TMEFF2: variants seen among roughly 807,000 people sequenced by gnomAD.
The protein encoded by TMEFF2 is transmembrane protein with EGF like and two follistatin like domains 2.
In TMEFF2, 28 loss-of-function variants were observed where a neutral mutation model predicts 53.8. That is an observed-to-expected ratio of 0.52 (90% CI 0.39 to 0.71). The LOEUF (loss-of-function observed/expected upper bound fraction) is 0.71, where lower values mean the gene tolerates loss of function less well. TMEFF2 is among the 30% of genes least tolerant of loss of function. The probability of loss-of-function intolerance (pLI) is 0.00; values close to 1 mark genes in which losing one functional copy is unlikely to be tolerated. For synonymous variants in TMEFF2, 162 were observed against 166.3 expected, an observed-to-expected ratio of 0.97 and a Z score of 0.20; for missense variants, 353 against 455.2, an observed-to-expected ratio of 0.78 and a Z score of 2.04.
chr2:192,010,592 C>T (rs568551171), intron 5 of TMEFF2, among the ~76,000 whole-genome samples: 16 of 152,094 alleles, frequency 1.1e-4, no homozygotes, highest in Admixed American at 8.5e-4. Flanking sequence ...AATTGAATCA[C>T]ATAAGTGTAG....
At chr2:192,086,673 T>C (rs546762853) in intron 4 of TMEFF2, among the ~76,000 whole-genome samples, 2 of 152,266 alleles carry the variant, frequency 1.3e-5, no homozygotes, top group Non-Finnish European at 2.9e-5. Flanking sequence ...GCCAAGCTAA[T>C]ACAAAACAAG....
intron 6 of TMEFF2, 76 bp downstream of exon 6, chr2:191,998,984 A>G (rs979482608): frequency 7.0e-7 from 1 of 1,435,082 alleles, no homozygotes; most frequent in African/African-American, 1.4e-5. Context: ...CTGCCTAATA[A>G]GGAGTTTTCT....
chr2:192,109,774 G>A (rs138385083), intron 4 of TMEFF2, among the ~76,000 whole-genome samples: 50 of 152,226 alleles, frequency 3.3e-4, no homozygotes, highest in African/African-American at 1.2e-3. Context: ...CCTGTGTGTA[G>A]GAGGATAACT....
chr2:192,001,561 C>A (rs1686360969), intron 5 of TMEFF2, among the ~76,000 whole-genome samples: 1 of 152,102 alleles, frequency 6.6e-6, no homozygotes, highest in Non-Finnish European at 1.5e-5. Context: ...TGTGTCCCCA[C>A]CTAAATTTCA....
chr2:191,958,046 T>C (rs529825172), intron 7 of TMEFF2, among the ~76,000 whole-genome samples: 23 of 152,288 alleles, frequency 1.5e-4, no homozygotes, highest in African/African-American at 5.5e-4. Flanking sequence ...TAGTGTTGGG[T>C]GAAATTTCCC....
At chr2:192,063,001 A>G (rs968396277) in intron 4 of TMEFF2, among the ~76,000 whole-genome samples, 6 of 151,152 alleles carry the variant, frequency 4.0e-5, no homozygotes, top group Non-Finnish European at 8.8e-5. Flanking sequence ...TTGCTATTCA[A>G]TTACAAATTT....
intron 4 of TMEFF2, among the ~76,000 whole-genome samples, chr2:192,134,047 A>C (rs576364234): frequency 1.3e-5 from 2 of 152,262 alleles, no homozygotes; most frequent in South Asian, 4.1e-4. Context: ...TAGCCTAGCC[A>C]TCATGTCTGC....
chr2:192,008,641 A>C (rs1040563958), intron 5 of TMEFF2, among the ~76,000 whole-genome samples: 45 of 152,338 alleles, frequency 3.0e-4, no homozygotes, highest in African/African-American at 1.1e-3. Context: ...TGAAAACCCC[A>C]GAATAAAAAG....
chr2:192,162,706 T>A (rs556275209), intron 4 of TMEFF2, among the ~76,000 whole-genome samples: 1 of 152,248 alleles, frequency 6.6e-6, no homozygotes. Context: ...TGCAATTTAC[T>A]ATTAAAGAAG....
chr2:191,980,781 C>T (rs1366768426), intron 7 of TMEFF2, among the ~76,000 whole-genome samples: 1 of 152,100 alleles, frequency 6.6e-6, no homozygotes, highest in African/African-American at 2.4e-5. Flanking sequence ...CCGAGTCCTA[C>T]TCTTCCTGAT....
At chr2:192,110,724 G>A (rs57697460) in intron 4 of TMEFF2, among the ~76,000 whole-genome samples, 7,680 of 152,128 alleles carry the variant, frequency 0.05, 352 homozygotes, top group African/African-American at 0.12. Flanking sequence ...GTTAAGATGT[G>A]TGTTTGTTAT....
chr2:192,060,772 C>A (rs1296297712), intron 4 of TMEFF2, among the ~76,000 whole-genome samples: 4 of 152,116 alleles, frequency 2.6e-5, no homozygotes, highest in Non-Finnish European at 5.9e-5. Context: ...GAATAAAATT[C>A]ATTTATCTTA....
chr2:192,085,351 G>A (rs1439633260), intron 4 of TMEFF2, among the ~76,000 whole-genome samples: 1 of 152,046 alleles, frequency 6.6e-6, no homozygotes, highest in African/African-American at 2.4e-5. Context: ...CAGCACATTC[G>A]GCGAGGCCAA....
rs1574235487 is a variant in TMEFF2, at chr2:191,950,074, T to C, written c.*237A>G. 8.1e-7 allele frequency: 1 copy of C among 1,239,346 alleles called. No individual in the cohort carries two copies. The highest frequency in any genetic ancestry group is 1.5e-5 in the African/African-American group (1 of 65,210). The allele number at this position is 1,239,346 out of a possible 1,614,324, so 76.8% of individuals were successfully genotyped here. A position where few individuals can be genotyped will look rare whatever the true frequency, so the allele number is the denominator to read the frequency against. Reference sequence around the variant, plus strand: ...AACAAATACATGGGAAAGAAAAAACTATATTGTGTGATATAAATAGTTTAT... The same window carrying C: ...AACAAATACATGGGAAAGAAAAAACCATATTGTGTGATATAAATAGTTTAT... On this transcript the variant is annotated 3_prime_UTR_variant, in exon 10 of 10. Transcript: ENST00000272771.
At chr2:192,164,025 A>G (rs1401764144) in intron 4 of TMEFF2, among the ~76,000 whole-genome samples, 1 of 152,154 alleles carries the variant, frequency 6.6e-6, no homozygotes, top group African/African-American at 2.4e-5. Flanking sequence ...CTCCACTATA[A>G]TAATCTTTTT....
At chr2:192,096,332 A>C (rs1688902650) in intron 4 of TMEFF2, among the ~76,000 whole-genome samples, 1 of 152,148 alleles carries the variant, frequency 6.6e-6, no homozygotes, top group South Asian at 2.1e-4. Flanking sequence ...AACAACAGAC[A>C]TGTGACTGTA....
chr2:192,032,750 T>A (rs1253935629), intron 5 of TMEFF2: 2 of 152,218 alleles, frequency 1.3e-5, no homozygotes, highest in East Asian at 3.9e-4. Context: ...TAGGACATAG[T>A]GTAAGGAATG....
intron 4 of TMEFF2, among the ~76,000 whole-genome samples, chr2:192,146,458 T>C (rs561380883): frequency 3.9e-5 from 6 of 152,228 alleles, no homozygotes; most frequent in African/African-American, 1.2e-4. Context: ...ATAATTATTT[T>C]AGATTTTTAG....
chr2:192,043,456 T>G (rs1216875954), intron 5 of TMEFF2, among the ~76,000 whole-genome samples: 1 of 152,176 alleles, frequency 6.6e-6, no homozygotes, highest in African/African-American at 2.4e-5. Context: ...AGAATAACTG[T>G]GCATTGGGAA....
Sources: gnomAD v4.1 joint callset for allele counts (sites outside exome capture counted in the v4.1 genomes callset) on GRCh38, gnomAD v4.1.1 for gene constraint, MANE v1.5 for transcripts, NCBI Gene and HGNC (gene_info 2026-07-23, HGNC 2026-07-21) for gene names.